Variants in CNTNAP5 observed in about 807,000 individuals in gnomAD.
CNTNAP5 encodes contactin-associated protein-like 5.
Under a neutral mutation model 150.2 loss-of-function variants are expected in CNTNAP5, and 72 were observed. That is an observed-to-expected ratio of 0.48 (90% CI 0.40 to 0.58). The LOEUF (loss-of-function observed/expected upper bound fraction) is 0.58, where lower values mean the gene tolerates loss of function less well. Among genes scored for constraint, CNTNAP5 ranks in the 20% least tolerant of loss-of-function variants. The pLI, the probability that CNTNAP5 is intolerant of heterozygous loss-of-function variation, is 0.00. For missense variants in CNTNAP5, 1,636 were observed against 1,626.2 expected (o/e 1.01, Z -0.10); for synonymous variants, 672 against 619.8 (o/e 1.08, Z -1.25).
chr2:124,236,540 A>C (rs1368218323), intron 2 of CNTNAP5, among the ~76,000 whole-genome samples: 1 of 152,184 alleles, frequency 6.6e-6, no homozygotes, highest in Admixed American at 6.5e-5. Flanking sequence ...ACTCTTACAC[A>C]TACTGCATAA....
rs1678718470 is a variant in CNTNAP5 at position 124,914,331 on chromosome 2, T to A, written c.*43T>A. On this transcript the variant is annotated 3_prime_UTR_variant, in exon 24 of 24. Transcript: ENST00000682447. ...ACTACTCTTTTTTCTTGTTGTTCAA[T>A]TATCTCCTCCCCCTCTTCTCTCCTG... 2 of 1,366,290 alleles carry A rather than the reference T, an allele frequency of 1.5e-6. No homozygotes were observed. The highest frequency in any genetic ancestry group is 2.1e-6 in the Non-Finnish European group (2 of 967,420). 84.6% of individuals were successfully genotyped at this position (1,366,290 alleles called of 1,614,324 possible). A position where few individuals can be genotyped will look rare whatever the true frequency, so the allele number is the denominator to read the frequency against.
chr2:124,361,138 G>A (rs1395260120), intron 3 of CNTNAP5, among the ~76,000 whole-genome samples: 66 of 147,468 alleles, frequency 4.5e-4, no homozygotes, highest in South Asian at 1.1e-3. Context: ...TGTAGTTCTC[G>A]AGCCTTGGGT....
intron 12 of CNTNAP5, among the ~76,000 whole-genome samples, chr2:124,636,073 C>T (rs1417396766): frequency 2.6e-5 from 4 of 152,134 alleles, no homozygotes; most frequent in Admixed American, 6.6e-5. Flanking sequence ...TCATGTAAAG[C>T]TCCTTTGAAA....
intron 1 of CNTNAP5, among the ~76,000 whole-genome samples, chr2:124,211,934 ACACT>A (rs1686024327): frequency 6.6e-6 from 1 of 152,230 alleles, no homozygotes. Context: ...TAATTTAGAA[ACACT>A]CAATGCAGGA....
intron 13 of CNTNAP5, among the ~76,000 whole-genome samples, chr2:124,708,621 G>T (rs1452349951): frequency 6.6e-6 from 1 of 152,198 alleles, no homozygotes. Context: ...ACAGACATTG[G>T]CATTTATGTG....
intron 17 of CNTNAP5, among the ~76,000 whole-genome samples, chr2:124,787,221 G>T (rs548320647): frequency 6.6e-6 from 1 of 152,198 alleles, no homozygotes; most frequent in African/African-American, 2.4e-5. Context: ...CCACCATGGG[G>T]AGTGACAACA....
chr2:124,873,239 A>G (rs1031217154), intron 21 of CNTNAP5, among the ~76,000 whole-genome samples: 4 of 152,036 alleles, frequency 2.6e-5, no homozygotes, highest in African/African-American at 2.4e-5. Flanking sequence ...TTAAACAATT[A>G]TATCTCACCA....
chr2:124,350,450 CTTG>C lies in CNTNAP5; in HGVS notation c.382-66990_382-66988del, dbSNP rs1689849008. Among the ~76,000 whole-genome samples, 3 of 145,048 alleles carry C rather than the reference CTTG, an allele frequency of 2.1e-5. No individual in the cohort carries two copies. In the South Asian group the frequency reaches 6.5e-4, roughly 31 times the overall value. Reference sequence around the variant, plus strand: ...TTGTGTAAATGCAGATGGTTTGTGGCTTGTTTTTTTTTTTTAATCCTTCATTTT... The same window carrying C: ...TTGTGTAAATGCAGATGGTTTGTGGCTTTTTTTTTTTTAATCCTTCATTTT... On this transcript the variant is annotated intron_variant, in intron 3 of 23. Transcript: ENST00000682447.
intron 13 of CNTNAP5, among the ~76,000 whole-genome samples, chr2:124,737,481 CCAGTACAGCTGGAGGG>C (rs890724953): frequency 1.3e-5 from 2 of 152,014 alleles, no homozygotes; most frequent in Admixed American, 6.6e-5. Flanking sequence ...GGCAAGGAGG[CCAGTACAGCTGGAGGG>C]CAGGGCACAG....
At chr2:124,588,244 T>G (rs1696601668) in intron 11 of CNTNAP5, among the ~76,000 whole-genome samples, 1 of 150,016 alleles carries the variant, frequency 6.7e-6, no homozygotes, top group Non-Finnish European at 1.5e-5. Context: ...TTCTTCTTTC[T>G]TTATTTCCTC....
At chr2:124,093,962 A>G (rs529835179) in intron 1 of CNTNAP5, among the ~76,000 whole-genome samples, 2 of 152,248 alleles carry the variant, frequency 1.3e-5, no homozygotes, top group South Asian at 4.1e-4. Flanking sequence ...CTGATGGAGG[A>G]GAAATTTGCT....
chr2:124,510,837 T>A (rs992329311), intron 8 of CNTNAP5, among the ~76,000 whole-genome samples: 1 of 152,170 alleles, frequency 6.6e-6, no homozygotes, highest in Non-Finnish European at 1.5e-5. Flanking sequence ...GAGAACACCT[T>A]CTAGGAGTCT....
chr2:124,912,661 T>TGG (rs1678679944), intron 23 of CNTNAP5, among the ~76,000 whole-genome samples: 1 of 152,116 alleles, frequency 6.6e-6, no homozygotes, highest in South Asian at 2.1e-4. Flanking sequence ...TTGTGCCTAT[T>TGG]TCTCTTTCAA....
At chr2:124,607,270 C>T (rs62171269) in intron 11 of CNTNAP5, among the ~76,000 whole-genome samples, 1,536 of 152,178 alleles carry the variant, frequency 0.01, 29 homozygotes, top group Admixed American at 0.048. Flanking sequence ...CACAGGGCTG[C>T]TTTCGTTTTA....
At chr2:124,581,820 C>CGCATCCCCAGGAAGAGAAAGACTACCT (rs1696420107) in intron 11 of CNTNAP5, among the ~76,000 whole-genome samples, 2 of 152,120 alleles carry the variant, frequency 1.3e-5, no homozygotes, top group Non-Finnish European at 2.9e-5. Context: ...ATGCACATGA[C>CGCATCCCCAGGAAGAGAAAGACTACCT]GCATCCCCAG....
intron 3 of CNTNAP5, among the ~76,000 whole-genome samples, chr2:124,309,756 C>G (rs569996184): frequency 6.6e-6 from 1 of 152,274 alleles, no homozygotes; most frequent in East Asian, 1.9e-4. Context: ...TCCCAAGGCC[C>G]CTGCTGATGA....
chr2:124,807,185 A>G (rs540673571), intron 19 of CNTNAP5, among the ~76,000 whole-genome samples: 79 of 152,290 alleles, frequency 5.2e-4, no homozygotes, highest in South Asian at 2.9e-3. Flanking sequence ...TTGTCCAGCA[A>G]GGAGGCCTTG....
intron 19 of CNTNAP5, among the ~76,000 whole-genome samples, chr2:124,841,962 A>G (rs1364680660): frequency 6.6e-6 from 1 of 152,154 alleles, no homozygotes; most frequent in Non-Finnish European, 1.5e-5. Context: ...AAAACTTAAA[A>G]AAAAACCTTC....
chr2:124,117,724 G>T (rs572189607), intron 1 of CNTNAP5, among the ~76,000 whole-genome samples: 1 of 152,244 alleles, frequency 6.6e-6, no homozygotes, highest in Non-Finnish European at 1.5e-5. Flanking sequence ...ACTCAAGCAC[G>T]AAATTGATTA....
Sources: allele counts gnomAD v4.1 joint callset (sites outside exome capture counted in the v4.1 genomes callset), GRCh38; gene constraint gnomAD v4.1.1; transcripts MANE v1.5; gene names NCBI Gene and HGNC (gene_info 2026-07-23, HGNC 2026-07-21).